CYREN: variants seen among roughly 807,000 people sequenced by gnomAD.
CYREN encodes cell cycle regulator of NHEJ.
In CYREN, 7 loss-of-function variants were observed where a neutral mutation model predicts 9.7. The ratio of observed to expected loss-of-function variants is 0.72; its 90% CI spans 0.41 to 1.36. The LOEUF is 1.36. Among genes scored for constraint, CYREN ranks in the 40% most tolerant of loss-of-function variants. The pLI, the probability that CYREN is intolerant of heterozygous loss-of-function variation, is 0.01. For missense variants in CYREN, 215 were observed against 198.1 expected, an observed-to-expected ratio of 1.09 and a Z score of -0.51; for synonymous variants, 76 against 77.9, an observed-to-expected ratio of 0.98 and a Z score of 0.13.
intron 2 of CYREN, among the ~76,000 whole-genome samples, chr7:135,114,021 T>C (rs752800514): frequency 1.1e-4 from 16 of 152,236 alleles, no homozygotes; most frequent in Non-Finnish European, 1.8e-4. Flanking sequence ...TATTGTAGCA[T>C]TTGTCAGTAT....
intron 2 of CYREN, among the ~76,000 whole-genome samples, chr7:135,142,450 G>A (rs2117399217): frequency 6.6e-6 from 1 of 152,208 alleles, no homozygotes; most frequent in African/African-American, 2.4e-5. Flanking sequence ...ATTAAGTGTT[G>A]GGGTTGCAAA....
chr7:135,114,195 T>C (rs991382988), intron 2 of CYREN, among the ~76,000 whole-genome samples: 1 of 152,240 alleles, frequency 6.6e-6, no homozygotes, highest in African/African-American at 2.4e-5. Context: ...CTGCTTTCAA[T>C]GCTTTTGGGC....
rs150066404 is a variant in CYREN at position 135,160,073 on chromosome 7, T to C, written n.356+8676A>G. 1.1e-3 allele frequency among the ~76,000 whole-genome samples: 171 copies of C among 152,384 alleles called. 1 individual carries two copies. Among genetic ancestry groups the C allele is most frequent in the Non-Finnish European group, 1.7e-3 (113 of 68,042 alleles). ...CTTAATGTTTAGGAACCATTTCTAG[T>C]TCACATAGAATGATGTTCACAAAGT... On this transcript the variant is annotated intron_variant and non_coding_transcript_variant, in intron 2 of 2. Transcript: ENST00000459937.
At chr7:135,119,375 A>C (rs372047906) in intron 2 of CYREN, among the ~76,000 whole-genome samples, 8 of 102,728 alleles carry the variant, frequency 7.8e-5, no homozygotes, top group African/African-American at 2.3e-4. Flanking sequence ...GGTTATAGGC[A>C]CCCACCACCA....
intron 2 of CYREN, among the ~76,000 whole-genome samples, chr7:135,142,485 AT>A (rs969257191): frequency 6.6e-6 from 1 of 152,134 alleles, no homozygotes; most frequent in Non-Finnish European, 1.5e-5. Context: ...TTTCTTCTGT[AT>A]GAGGGGGTTG....
intron 2 of CYREN, among the ~76,000 whole-genome samples, chr7:135,123,182 C>A (rs1247815160): frequency 6.6e-6 from 1 of 152,028 alleles, no homozygotes; most frequent in Non-Finnish European, 1.5e-5. Context: ...CTAGAATAAC[C>A]AGTTTAGAGA....
intron 2 of CYREN, among the ~76,000 whole-genome samples, chr7:135,103,572 C>T (rs189174868): frequency 7.9e-4 from 120 of 152,284 alleles, no homozygotes; most frequent in Admixed American, 1.6e-3. Flanking sequence ...CTTCAAGTTT[C>T]TGACATATGG....
intron 1 of CYREN, chr7:135,170,362 C>A (rs1426499754): frequency 1.3e-5 from 2 of 152,408 alleles, no homozygotes; most frequent in Admixed American, 1.3e-4. Context: ...GCCCGCCCTC[C>A]CTCTGCGGGC....
At chr7:135,167,494 CGCCCTCCCTAACACACGCAT>C (rs1248154599) in intron 3 of CYREN, 6 of 1,398,746 alleles carry the variant, frequency 4.3e-6, no homozygotes, top group African/African-American at 1.5e-5. Flanking sequence ...AACACACACA[CGCCCTCCCTAACACACGCAT>C]GCCCTCCCAG....
chr7:135,142,651 CAA>C (rs1332901588), intron 2 of CYREN, among the ~76,000 whole-genome samples: 1 of 152,044 alleles, frequency 6.6e-6, no homozygotes, highest in Non-Finnish European at 1.5e-5. Context: ...GGTTAATATA[CAA>C]AAGTCAATTG....
At chr7:135,171,893 G>A (rs1034807600), upstream of CYREN, among the ~76,000 whole-genome samples, 3 of 152,258 alleles carry the variant, frequency 2.0e-5, no homozygotes, top group Non-Finnish European at 4.4e-5. Context: ...GCAGCGCATA[G>A]CAGGCTCCCG....
chr7:135,129,187 T>C (rs1585285827), intron 2 of CYREN: 3 of 1,425,786 alleles, frequency 2.1e-6, no homozygotes, highest in Non-Finnish European at 3.0e-6. Flanking sequence ...GCAGATGTGG[T>C]GTACTGCCCC....
chr7:135,168,297 C>CCG (rs1830357702), intron 2 of CYREN: 1 of 49,220 alleles, frequency 2.0e-5, no homozygotes, highest in Admixed American at 1.5e-4. Context: ...CACCACCCCC[C>CCG]CCCCGCCCCC....
chr7:135,168,830 G>C lies in CYREN; in HGVS notation c.93C>G (p.Ala31=). The part of the protein sequence containing the change: ...VATKNVAPMK[A]PKRMRMAAVP... Reference sequence around the variant, plus strand: ...CTGCTGCCATTCTCATCCTCTTGGGGGCCTTCATTGGTGCCACATTCTTTG... The same window carrying C: ...CTGCTGCCATTCTCATCCTCTTGGGCGCCTTCATTGGTGCCACATTCTTTG... The change falls in exon 2 of 4, where the codon GCC becomes GCG. Residue 31 remains alanine (A), a synonymous_variant. Coordinates refer to ENST00000393114, the MANE Select transcript of CYREN (RefSeq NM_024033.4). 2.5e-6 allele frequency: 4 copies of C among 1,614,080 alleles called. No homozygotes were observed. The highest frequency in any genetic ancestry group is 2.5e-6 in the Non-Finnish European group (3 of 1,179,966).
At chr7:135,164,656 C>A (rs1050367787), downstream of CYREN, 8 of 1,613,428 alleles carry the variant, frequency 5.0e-6, no homozygotes, top group Non-Finnish European at 6.8e-6. Flanking sequence ...GAGCTGGAAG[C>A]CCTGGGGGTG....
intron 2 of CYREN, among the ~76,000 whole-genome samples, chr7:135,124,422 G>A (rs926829113): frequency 6.6e-6 from 1 of 152,142 alleles, no homozygotes; most frequent in Admixed American, 6.5e-5. Context: ...CCCAAAAAGA[G>A]ACAGACTCCC....
At chr7:135,145,183 C>T (rs1829524079) in intron 2 of CYREN, among the ~76,000 whole-genome samples, 1 of 151,992 alleles carries the variant, frequency 6.6e-6, no homozygotes, top group Non-Finnish European at 1.5e-5. Context: ...GGGACAAAGC[C>T]TTCAAAATTA....
intron 2 of CYREN, among the ~76,000 whole-genome samples, chr7:135,131,908 C>T (rs1362708392): frequency 6.6e-6 from 1 of 152,064 alleles, no homozygotes; most frequent in Admixed American, 6.6e-5. Flanking sequence ...AAACACTACA[C>T]ACAAATTTGA....
chr7:135,135,398 T>A (rs1829302813), intron 2 of CYREN: 1 of 604,794 alleles, frequency 1.7e-6, no homozygotes, highest in Non-Finnish European at 2.5e-6. Flanking sequence ...AACTAAAAAT[T>A]TTAGATATCC....
Sources: allele counts gnomAD v4.1 joint callset (sites outside exome capture counted in the v4.1 genomes callset), GRCh38; gene constraint gnomAD v4.1.1; transcripts MANE v1.5; gene names NCBI Gene and HGNC (gene_info 2026-07-23, HGNC 2026-07-21).